The following AMMECR1 variants were observed in gnomAD, a reference collection of about 807,000 sequenced individuals.
AMMECR1 encodes the protein AMMECR nuclear protein 1.
In AMMECR1, 3 loss-of-function variants were observed where a neutral mutation model predicts 22.5. The observed-to-expected ratio is 0.13, with a 90% confidence interval of 0.06 to 0.35. AMMECR1 has a LOEUF of 0.35. AMMECR1 is among the 10% of genes least tolerant of loss of function. The probability of loss-of-function intolerance (pLI) is 1.00; values close to 1 mark genes in which losing one functional copy is unlikely to be tolerated. For synonymous variants in AMMECR1, 130 were observed against 116.7 expected (o/e 1.11, Z -0.74); for missense variants, 235 against 278.7 (o/e 0.84, Z 1.12).
At chrX:110,429,066 C>T (rs1195928782) in intron 1 of AMMECR1, among the ~76,000 whole-genome samples, 2 of 111,982 alleles carry the variant, frequency 1.8e-5, no homozygotes, top group African/African-American at 6.5e-5. Flanking sequence ...CAAAGCTTGT[C>T]TTCCCTGTAG....
chrX:110,411,696 A>G (rs1166291867), intron 2 of AMMECR1, among the ~76,000 whole-genome samples: 1 of 112,464 alleles, frequency 8.9e-6, no homozygotes, highest in Non-Finnish European at 1.9e-5. Flanking sequence ...CACAACATAG[A>G]AGGAAGACAA....
At chrX:110,304,535 C>G (rs754135796) in intron 1 of AMMECR1, among the ~76,000 whole-genome samples, 16 of 112,191 alleles carry the variant, frequency 1.4e-4, no homozygotes, top group Non-Finnish European at 1.9e-4. Context: ...CAATGTTAAT[C>G]TAACTGACTT....
intron 5 of AMMECR1, among the ~76,000 whole-genome samples, chrX:110,200,430 GC>G (rs2067391355): frequency 1.8e-5 from 2 of 111,977 alleles, no homozygotes; most frequent in Non-Finnish European, 3.8e-5. Context: ...GGAACCAGCA[GC>G]CCATTTTCCT....
chrX:110,241,410 T>C (rs953408794), intron 2 of AMMECR1, among the ~76,000 whole-genome samples: 1 of 111,761 alleles, frequency 8.9e-6, no homozygotes, highest in African/African-American at 3.3e-5. Flanking sequence ...AGATCACCAC[T>C]TATCTCACAG....
At position 110,194,805 on chromosome X, in the gene AMMECR1, G is replaced by A. The variant is rs1049283973; in HGVS notation, c.*3715C>T. On this transcript the variant is annotated 3_prime_UTR_variant, in exon 6 of 6. Transcript: ENST00000262844. ...AGGAAAACATATATTTGTATATAAA[G>A]GATCAATGCTGGTCTTAAGAATAAT... The A allele has an allele frequency of 9.0e-6, 1 of 111,727 alleles. No individual in the cohort carries two copies. Among genetic ancestry groups the A allele is most frequent in the Non-Finnish European group, 1.9e-5 (1 of 53,120 alleles). 9.2% of individuals were successfully genotyped at this position (111,727 alleles called of 1,213,427 possible).
intron 2 of AMMECR1, among the ~76,000 whole-genome samples, chrX:110,355,885 G>A (rs184195911): frequency 4.0e-3 from 449 of 111,407 alleles, no homozygotes; most frequent in Non-Finnish European, 6.3e-3. Flanking sequence ...ATACACGATG[G>A]AATACTATAT....
chrX:110,339,552 A>G (rs1239405017), intron 2 of AMMECR1, among the ~76,000 whole-genome samples: 1 of 110,613 alleles, frequency 9.0e-6, no homozygotes, highest in Non-Finnish European at 1.9e-5. Context: ...GCTGGAGTGC[A>G]ACAGCACGAT....
chrX:110,413,563 GTCT>G (rs1460678452), intron 2 of AMMECR1, among the ~76,000 whole-genome samples: 1 of 88,232 alleles, frequency 1.1e-5, no homozygotes, highest in Admixed American at 1.5e-4. Context: ...CTGGCTCATT[GTCT>G]TCTTCTCCAC....
intron 2 of AMMECR1, among the ~76,000 whole-genome samples, chrX:110,232,094 T>C (rs2067570199): frequency 9.0e-6 from 1 of 110,644 alleles, no homozygotes; most frequent in African/African-American, 3.3e-5. Flanking sequence ...ATTGTCAATA[T>C]TTGACAGATC....
chrX:110,434,194 G>A (rs1240446250), intron 1 of AMMECR1, among the ~76,000 whole-genome samples: 2 of 111,859 alleles, frequency 1.8e-5, no homozygotes, highest in African/African-American at 6.5e-5. Context: ...ATTGTAGCTG[G>A]GTGCACCACT....
chrX:110,235,370 T>TA (rs1250457269), intron 2 of AMMECR1, among the ~76,000 whole-genome samples: 1 of 112,529 alleles, frequency 8.9e-6, no homozygotes, highest in East Asian at 2.8e-4. Flanking sequence ...GGAATGCTTT[T>TA]ACACTGTTGG....
At chrX:110,298,921 C>T (rs1010952324) in intron 1 of AMMECR1, among the ~76,000 whole-genome samples, 8 of 111,895 alleles carry the variant, frequency 7.1e-5, no homozygotes, top group African/African-American at 2.6e-4. Context: ...CTTCAGACTC[C>T]ATGGACATAC....
chrX:110,277,402 G>C (rs2148205636), intron 1 of AMMECR1, among the ~76,000 whole-genome samples: 1 of 98,187 alleles, frequency 1.0e-5, no homozygotes, highest in African/African-American at 3.8e-5. Context: ...CATCACACAT[G>C]TCATGGGGCC....
At chrX:110,276,278 C>T (rs779936169) in intron 1 of AMMECR1, among the ~76,000 whole-genome samples, 161 of 111,691 alleles carry the variant, frequency 1.4e-3, no homozygotes, top group Non-Finnish European at 2.6e-3. Flanking sequence ...TTCATGTTTT[C>T]CTTTCAATCC....
intron 2 of AMMECR1, among the ~76,000 whole-genome samples, chrX:110,421,435 T>C (rs530043332): frequency 8.9e-6 from 1 of 112,813 alleles, no homozygotes; most frequent in East Asian, 2.8e-4. Context: ...ACTATGTAGA[T>C]AAGTCACGGG....
At chrX:110,418,873 A>T (rs1345992402) in intron 2 of AMMECR1, among the ~76,000 whole-genome samples, 1 of 111,688 alleles carries the variant, frequency 9.0e-6, no homozygotes, top group Non-Finnish European at 1.9e-5. Context: ...AAACATGCTA[A>T]AAAGCTTCAG....
At chrX:110,424,328 A>G (rs190019274) in intron 2 of AMMECR1, among the ~76,000 whole-genome samples, 75 of 111,596 alleles carry the variant, frequency 6.7e-4, no homozygotes, top group Middle Eastern at 4.6e-3. Context: ...TGCTGCTACT[A>G]CTATTACTAC....
At chrX:110,214,155 C>T (rs1187040037) in intron 3 of AMMECR1, among the ~76,000 whole-genome samples, 1 of 109,580 alleles carries the variant, frequency 9.1e-6, no homozygotes, top group African/African-American at 3.3e-5. Flanking sequence ...CCCAGCTACT[C>T]AGGAGGCTGA....
At chrX:110,327,081 A>G (rs1012474540) in intron 2 of AMMECR1, among the ~76,000 whole-genome samples, 1 of 112,070 alleles carries the variant, frequency 8.9e-6, no homozygotes, top group Non-Finnish European at 1.9e-5. Context: ...CTTCTTGACA[A>G]TGTAAGTTTA....
Sources: allele counts gnomAD v4.1 joint callset (sites outside exome capture counted in the v4.1 genomes callset), GRCh38; gene constraint gnomAD v4.1.1; transcripts MANE v1.5; gene names NCBI Gene and HGNC (gene_info 2026-07-23, HGNC 2026-07-21).